Variants in UNC5A observed in about 807,000 individuals in gnomAD.
UNC5A encodes the protein netrin receptor UNC5A.
UNC5A carries 20 observed loss-of-function variants against 87.4 expected under a neutral mutation model. The ratio of observed to expected loss-of-function variants is 0.23; its 90% CI spans 0.16 to 0.33. The LOEUF (loss-of-function observed/expected upper bound fraction) is 0.33. Ranked by LOEUF, UNC5A falls within the 10% of genes least tolerant of loss-of-function variation. The probability of loss-of-function intolerance (pLI) is 1.00; values close to 1 mark genes in which losing one functional copy is unlikely to be tolerated. For synonymous variants in UNC5A, 438 were observed against 482.3 expected (o/e 0.91, Z 1.20); for missense variants, 844 against 1,133.4 (o/e 0.74, Z 3.67).
chr5:176,870,477 G>A lies in UNC5A; in HGVS notation c.829G>A (p.Glu277Lys). The change falls in exon 6 of 15, where the codon GAG becomes AAG. Residue 277 changes from glutamate (E) to lysine (K), a missense_variant. Coordinates refer to ENST00000329542, the MANE Select transcript of UNC5A (RefSeq NM_133369.3). ...SDPAPRNGGE[E>K]CQGTDLDTRN... ...CCCAGCACCCCGCAACGGAGGGGAG[G>A]AGTGCCAGGGCACTGACCTGGACAC... 2 of 1,610,874 alleles carry A rather than the reference G, an allele frequency of 1.2e-6. No homozygotes were observed. Among genetic ancestry groups the A allele is most frequent in the African/African-American group, 1.3e-5 (1 of 74,968 alleles).
intron 1 of UNC5A, among the ~76,000 whole-genome samples, chr5:176,853,920 C>G (rs1178427786): frequency 6.6e-6 from 1 of 152,140 alleles, no homozygotes; most frequent in Non-Finnish European, 1.5e-5. Context: ...GACTGCACTC[C>G]CGAAAAACCT....
intron 1 of UNC5A, among the ~76,000 whole-genome samples, chr5:176,835,753 G>GTGTA (rs1554097416): frequency 0.033 from 5,027 of 151,610 alleles, 446 homozygotes; most frequent in African/African-American, 0.12. Flanking sequence ...GTGTGTGTGT[G>GTGTA]TGTGTGTGTC....
At chr5:176,826,636 C>CTTT (rs34466725) in intron 1 of UNC5A, among the ~76,000 whole-genome samples, 12 of 72,746 alleles carry the variant, frequency 1.6e-4, no homozygotes, top group African/African-American at 5.0e-4. Context: ...AGTTTCCAAA[C>CTTT]TTTTTTTTTT....
chr5:176,830,018 G>T (rs141741519), intron 1 of UNC5A, among the ~76,000 whole-genome samples: 1 of 151,896 alleles, frequency 6.6e-6, no homozygotes, highest in Non-Finnish European at 1.5e-5. Context: ...GGGATTAAAG[G>T]GGTGTGCCAC....
chr5:176,834,771 G>A (rs1234830753), intron 1 of UNC5A, among the ~76,000 whole-genome samples: 4 of 147,824 alleles, frequency 2.7e-5, no homozygotes, highest in South Asian at 4.3e-4. Flanking sequence ...TCCCTGGGTC[G>A]CTGCAGGAGT....
Position 176,869,272 on chromosome 5 carries a change from A to G in UNC5A, c.721+308A>G, listed in dbSNP as rs941702699. Among the ~76,000 whole-genome samples, 1 of 152,086 alleles carries G rather than the reference A, an allele frequency of 6.6e-6. No individual in the cohort carries two copies. The highest frequency in any genetic ancestry group is 2.4e-5 in the African/African-American group (1 of 41,424). On this transcript the variant is annotated intron_variant, in intron 5 of 14. Coordinates refer to ENST00000329542, the MANE Select transcript of UNC5A (RefSeq NM_133369.3). The surrounding 1 kb of genome is among the most constrained non-coding windows in gnomAD (Gnocchi z 9.1). ...CCACTCCTGAGTCTCCAAGGGGGGA[A>G]TCAGAAGCCACACAGTCCAGGCACC... is the stretch of plus-strand genomic sequence containing the variant.
At chr5:176,813,040 T>A (rs1756504285) in intron 1 of UNC5A, among the ~76,000 whole-genome samples, 1 of 152,180 alleles carries the variant, frequency 6.6e-6, no homozygotes, top group African/African-American at 2.4e-5. Flanking sequence ...CTGCAGCCGC[T>A]TGCTCCCCAG....
At position 176,841,441 on chromosome 5, in the gene UNC5A, C is replaced by T. The variant is rs1404088590; in HGVS notation, c.71-21183C>T. The stretch of plus-strand genomic sequence containing the variant: ...GGACTTGGGGCACAGACTGTGGAAC[C>T]GGGCTGCCTGGCTGTCCCATGTGCA... On this transcript the variant is annotated intron_variant, in intron 1 of 14. Transcript: ENST00000329542. This position sits in a 1 kb window ranked among gnomAD's most constrained non-coding sequence, Gnocchi z 4.1. Among the ~76,000 whole-genome samples the T allele has an allele frequency of 7.9e-5, 12 of 152,184 alleles. No individual in the cohort carries two copies. Among genetic ancestry groups the T allele is most frequent in the Admixed American group, 2.0e-4 (3 of 15,280 alleles).
intron 1 of UNC5A, among the ~76,000 whole-genome samples, chr5:176,816,778 G>A (rs1756597442): frequency 6.6e-6 from 1 of 152,286 alleles, no homozygotes; most frequent in Non-Finnish European, 1.5e-5. Flanking sequence ...CGTTAGCAAT[G>A]ATGATGCCAT....
intron 1 of UNC5A, among the ~76,000 whole-genome samples, chr5:176,851,812 A>G (rs187963574): frequency 1.7e-4 from 26 of 152,326 alleles, no homozygotes; most frequent in African/African-American, 6.3e-4. Flanking sequence ...GAACAGGTGC[A>G]CTGTCCTTAC....
intron 1 of UNC5A, among the ~76,000 whole-genome samples, chr5:176,862,115 T>G (rs910527963): frequency 1.3e-5 from 2 of 152,252 alleles, no homozygotes; most frequent in Non-Finnish European, 2.9e-5. Flanking sequence ...GCCTTGCCCG[T>G]GCCCACCCCG....
intron 1 of UNC5A, among the ~76,000 whole-genome samples, chr5:176,823,137 G>C (rs61163988): frequency 1.3e-5 from 2 of 148,520 alleles, no homozygotes; most frequent in Non-Finnish European, 3.0e-5. Flanking sequence ...TGTGGGAGAC[G>C]CTGCAAAGGG....
At chr5:176,819,450 T>G (rs944716980) in intron 1 of UNC5A, among the ~76,000 whole-genome samples, 1 of 152,144 alleles carries the variant, frequency 6.6e-6, no homozygotes, top group Non-Finnish European at 1.5e-5. Context: ...TCAGGCATGG[T>G]TGTATCCAGG....
intron 1 of UNC5A, among the ~76,000 whole-genome samples, chr5:176,834,756 C>G (rs1268838238): frequency 6.6e-6 from 1 of 151,804 alleles, no homozygotes; most frequent in Admixed American, 6.6e-5. Flanking sequence ...CTCTCTCTCT[C>G]CCTTTCCCTG....
At chr5:176,879,648 G>T in intron 14 of UNC5A, 73 bp from the exon 15 acceptor site, 3 of 1,581,940 alleles carry the variant, frequency 1.9e-6, no homozygotes. Flanking sequence ...CCTGCCCTGG[G>T]GTGGGCCAGG....
In UNC5A at chr5:176,868,671, G is replaced by T; in HGVS notation, c.540+7G>T. The T allele has an allele frequency of 6.2e-7, 1 of 1,603,532 alleles. No individual in the cohort carries two copies. The highest frequency in any genetic ancestry group is 8.5e-7 in the Non-Finnish European group (1 of 1,174,742). On this transcript the variant is annotated splice_region_variant and intron_variant, in intron 4 of 14. Transcript: ENST00000329542. ...GGGCATCCCTCCAGCCGAGGTGAGG[G>T]CTCCTCTAGTGCCCACGTCTGGACC...
intron 1 of UNC5A, among the ~76,000 whole-genome samples, chr5:176,822,279 T>A (rs532966294): frequency 6.6e-6 from 1 of 152,232 alleles, no homozygotes; most frequent in South Asian, 2.1e-4. Flanking sequence ...CTGGAAGTAT[T>A]TGTGTGGAGG....
intron 1 of UNC5A, among the ~76,000 whole-genome samples, chr5:176,836,461 A>T (rs901325740): frequency 6.6e-6 from 1 of 152,186 alleles, no homozygotes; most frequent in Non-Finnish European, 1.5e-5. Flanking sequence ...GGCCTGCTCC[A>T]CAGGGGAGCG....
chr5:176,877,605 A>G lies in UNC5A; in HGVS notation c.1537A>G (p.Thr513Ala), dbSNP rs143892682. 2.2e-5 allele frequency: 35 copies of G among 1,612,132 alleles called. No individual in the cohort carries two copies. The highest frequency in any genetic ancestry group is 3.0e-5 in the Non-Finnish European group (35 of 1,179,570). ...VSCGPPGVLL[T>A]RPVILAMDHC... ...CTGTGGACCCCCTGGCGTCCTGCTCACCCGGCCAGTCATCCTGGCTATGGA... is the reference window on the plus strand; with the variant it reads ...CTGTGGACCCCCTGGCGTCCTGCTCGCCCGGCCAGTCATCCTGGCTATGGA... Residue 513 changes from threonine to alanine, a missense_variant, in exon 10 of 15, where the codon ACC (threonine) becomes GCC (alanine). Physicochemically the swap from Thr to Ala is moderately conservative, Grantham distance 58. Around this residue, in one of 3 missense-constraint regions of UNC5A, gnomAD observed 353 missense variants for 387.5 expected, o/e 0.91. Coordinates refer to ENST00000329542, the MANE Select transcript of UNC5A (RefSeq NM_133369.3).
Sources: gnomAD v4.1 joint callset for allele counts (sites outside exome capture counted in the v4.1 genomes callset) on GRCh38, gnomAD v4.1.1 for gene constraint, gnomAD v4.1.1 regional missense constraint, Gnocchi (gnomAD v3.1) non-coding constraint, MANE v1.5 for transcripts, NCBI Gene and HGNC (gene_info 2026-07-23, HGNC 2026-07-21) for gene names.